Variants in CTNNA3 observed in about 807,000 individuals in gnomAD.
CTNNA3 encodes catenin alpha-3.
CTNNA3 carries 76 observed loss-of-function variants against 95.7 expected under a neutral mutation model. The ratio of observed to expected loss-of-function variants is 0.79; its 90% confidence interval spans 0.66 to 0.96. The LOEUF is 0.96. Ranked by LOEUF, CTNNA3 falls within the 40% of genes least tolerant of loss-of-function variation. The pLI is 0.00. For missense variants in CTNNA3, 1,191 were observed against 1,089.8 expected (o/e 1.09, Z -1.31); for synonymous variants, 431 against 374.4 (o/e 1.15, Z -1.74).
At chr10:66,844,408 A>T (rs1227674420) in intron 7 of CTNNA3, among the ~76,000 whole-genome samples, 1 of 152,194 alleles carries the variant, frequency 6.6e-6, no homozygotes, top group Non-Finnish European at 1.5e-5. Context: ...GAGACTTGTA[A>T]AATTAATGGC....
At chr10:66,433,786 T>G (rs918413399) in intron 11 of CTNNA3, among the ~76,000 whole-genome samples, 2 of 152,234 alleles carry the variant, frequency 1.3e-5, no homozygotes, top group African/African-American at 4.8e-5. Flanking sequence ...GTCTTACCTT[T>G]AAGTCTTTAA....
intron 12 of CTNNA3, among the ~76,000 whole-genome samples, chr10:66,362,190 C>T (rs2092681391): frequency 6.7e-6 from 1 of 149,638 alleles, no homozygotes; most frequent in Non-Finnish European, 1.5e-5. Context: ...GCAACCTCCG[C>T]CTTCTGGGTT....
At chr10:66,038,539 G>A (rs1389320135) in intron 15 of CTNNA3, among the ~76,000 whole-genome samples, 1 of 152,176 alleles carries the variant, frequency 6.6e-6, no homozygotes, top group Non-Finnish European at 1.5e-5. Context: ...TTTGAGCAAT[G>A]GCTTTTTCAG....
chr10:66,552,748 T>G (rs1281372721), intron 10 of CTNNA3, among the ~76,000 whole-genome samples: 1 of 152,140 alleles, frequency 6.6e-6, no homozygotes, highest in East Asian at 1.9e-4. Context: ...TTTATATATC[T>G]CTGAAAAATT....
intron 4 of CTNNA3, among the ~76,000 whole-genome samples, chr10:67,537,563 C>A (rs1329306362): frequency 6.6e-6 from 1 of 152,122 alleles, no homozygotes; most frequent in East Asian, 1.9e-4. Flanking sequence ...GTGCCTAACT[C>A]CTAGTGGACA....
intron 5 of CTNNA3, among the ~76,000 whole-genome samples, chr10:67,259,075 A>C (rs1866477169): frequency 6.6e-6 from 1 of 152,112 alleles, no homozygotes; most frequent in Non-Finnish European, 1.5e-5. Flanking sequence ...TTTTCCCCAC[A>C]TATTTTCAAC....
chr10:67,191,115 A>G (rs1863100287), intron 6 of CTNNA3, among the ~76,000 whole-genome samples: 1 of 152,044 alleles, frequency 6.6e-6, no homozygotes, highest in African/African-American at 2.4e-5. Flanking sequence ...GGAGTAATAA[A>G]AACTCTAATT....
chr10:67,389,494 C>G (rs1844360238), intron 5 of CTNNA3, among the ~76,000 whole-genome samples: 1 of 152,128 alleles, frequency 6.6e-6, no homozygotes, highest in African/African-American at 2.4e-5. Flanking sequence ...CAACATTAGA[C>G]AGATCAATGA....
intron 17 of CTNNA3, among the ~76,000 whole-genome samples, chr10:65,929,039 C>T (rs1399592125): frequency 2.2e-5 from 3 of 137,452 alleles, no homozygotes; most frequent in Admixed American, 7.4e-5. Flanking sequence ...CCCTCACCCA[C>T]AACAGGCCCC....
chr10:66,210,735 T>C (rs549643915), intron 13 of CTNNA3, among the ~76,000 whole-genome samples: 58 of 152,342 alleles, frequency 3.8e-4, no homozygotes, highest in African/African-American at 1.4e-3. Flanking sequence ...TAAAATCCGA[T>C]GCTAAGCAAA....
At chr10:66,705,391 C>T (rs1354236958) in intron 9 of CTNNA3, among the ~76,000 whole-genome samples, 1 of 151,938 alleles carries the variant, frequency 6.6e-6, no homozygotes, top group African/African-American at 2.4e-5. Context: ...GAAGTAGTTT[C>T]TCTGCTCAAT....
intron 4 of CTNNA3, among the ~76,000 whole-genome samples, chr10:67,523,865 T>A (rs1488262781): frequency 6.6e-6 from 1 of 152,230 alleles, no homozygotes; most frequent in African/African-American, 2.4e-5. Flanking sequence ...ATTCTCACTA[T>A]GTTCAAATCA....
At chr10:66,091,283 C>T (rs752846879) in intron 14 of CTNNA3, among the ~76,000 whole-genome samples, 8 of 151,980 alleles carry the variant, frequency 5.3e-5, no homozygotes, top group Middle Eastern at 3.4e-3. Context: ...TGCCCATTGT[C>T]TAAGTAATTA....
intron 5 of CTNNA3, among the ~76,000 whole-genome samples, chr10:67,392,121 C>T (rs999740838): frequency 2.6e-5 from 4 of 152,022 alleles, no homozygotes; most frequent in African/African-American, 9.7e-5. Context: ...AACAGGCAAC[C>T]TACAAAATGG....
chr10:67,189,781 A>C (rs1165479718), intron 6 of CTNNA3, among the ~76,000 whole-genome samples: 1 of 152,156 alleles, frequency 6.6e-6, no homozygotes, highest in Non-Finnish European at 1.5e-5. Flanking sequence ...GAGTAAACAA[A>C]AAAACTGCAT....
At chr10:67,224,952 G>T (rs1382799577) in intron 5 of CTNNA3, among the ~76,000 whole-genome samples, 2 of 152,172 alleles carry the variant, frequency 1.3e-5, no homozygotes, top group Non-Finnish European at 2.9e-5. Context: ...GTTTTCATTT[G>T]AAGGTGGCAG....
intron 3 of CTNNA3, among the ~76,000 whole-genome samples, chr10:67,589,903 A>G (rs1322707722): frequency 2.0e-5 from 3 of 152,078 alleles, no homozygotes; most frequent in Non-Finnish European, 2.9e-5. Flanking sequence ...CTTTTTCCCC[A>G]ACAACAAAAC....
At chr10:66,292,530 T>C (rs1232572302) in intron 12 of CTNNA3, among the ~76,000 whole-genome samples, 1 of 152,170 alleles carries the variant, frequency 6.6e-6, no homozygotes, top group East Asian at 1.9e-4. Context: ...ACCTTTTCTG[T>C]TCCTATTCAC....
At chr10:66,978,552 A>AAAATAAAAAAAAAAAAAAAATATATATAT in intron 7 of CTNNA3, among the ~76,000 whole-genome samples, 2 of 37,866 alleles carry the variant, frequency 5.3e-5, no homozygotes, top group Non-Finnish European at 9.7e-5. Flanking sequence ...AAAAAAAAAA[A>AAAATAAAAAAAAAAAAAAAATATATATAT]ATATATATAT....
Sources: gnomAD v4.1 joint callset for allele counts (sites outside exome capture counted in the v4.1 genomes callset) on GRCh38, gnomAD v4.1.1 for gene constraint, MANE v1.5 for transcripts, NCBI Gene and HGNC (gene_info 2026-07-23, HGNC 2026-07-21) for gene names.